The following OLFM3 variants were observed in gnomAD, a reference collection of about 807,000 sequenced individuals.
OLFM3 encodes noelin-3.
In OLFM3, 20 loss-of-function variants were observed where a neutral mutation model predicts 48.6. The observed-to-expected ratio is 0.41, with a 90% CI of 0.29 to 0.60. OLFM3 has a LOEUF of 0.60. Ranked by LOEUF, OLFM3 falls within the 20% of genes least tolerant of loss-of-function variation. The pLI is 0.28. For missense variants in OLFM3, 437 were observed against 544.3 expected (o/e 0.80, Z 1.96); for synonymous variants, 222 against 198.1 (o/e 1.12, Z -1.01).
chr1:101,806,872 A>G (rs1367041992), intron 4 of OLFM3, among the ~76,000 whole-genome samples: 2 of 151,812 alleles, frequency 1.3e-5, no homozygotes. Context: ...TACGTGACAA[A>G]AAGACTTTAA....
At chr1:101,992,445 T>A (rs894055420) in intron 1 of OLFM3, among the ~76,000 whole-genome samples, 1 of 152,166 alleles carries the variant, frequency 6.6e-6, no homozygotes, top group African/African-American at 2.4e-5. Flanking sequence ...TTTTGCCACA[T>A]CAGGGTTTAC....
At chr1:101,897,794 C>G (rs1658255264) in intron 1 of OLFM3, among the ~76,000 whole-genome samples, 1 of 151,916 alleles carries the variant, frequency 6.6e-6, no homozygotes, top group African/African-American at 2.4e-5. Context: ...TAACATAATC[C>G]AAGTAACTCA....
At chr1:101,993,319 G>A (rs143071602) in intron 1 of OLFM3, among the ~76,000 whole-genome samples, 1 of 152,196 alleles carries the variant, frequency 6.6e-6, no homozygotes, top group African/African-American at 2.4e-5. Flanking sequence ...GCAACAGAAA[G>A]AAGTCCACTC....
At chr1:101,940,127 G>C (rs530118983) in intron 1 of OLFM3, among the ~76,000 whole-genome samples, 3 of 152,120 alleles carry the variant, frequency 2.0e-5, no homozygotes, top group Admixed American at 2.0e-4. Context: ...TGATGGGCAA[G>C]TGCATGCATT....
At chr1:101,973,755 T>G (rs1045665065) in intron 1 of OLFM3, among the ~76,000 whole-genome samples, 5 of 152,134 alleles carry the variant, frequency 3.3e-5, no homozygotes, top group Admixed American at 6.6e-5. Context: ...GAATGGTAGT[T>G]TTAATAGGCC....
intron 1 of OLFM3, among the ~76,000 whole-genome samples, chr1:101,891,580 C>A (rs1658000895): frequency 6.6e-6 from 1 of 150,952 alleles, no homozygotes; most frequent in Admixed American, 6.6e-5. Context: ...TTTTTTTTTC[C>A]CTTAGGTTCA....
intron 1 of OLFM3, among the ~76,000 whole-genome samples, chr1:101,954,332 T>C (rs1660227262): frequency 6.6e-6 from 1 of 152,102 alleles, no homozygotes; most frequent in Non-Finnish European, 1.5e-5. Context: ...TAGGAATGTA[T>C]AATTTCTTCT....
intron 1 of OLFM3, among the ~76,000 whole-genome samples, chr1:101,910,865 AT>A (rs1177841270): frequency 6.6e-5 from 10 of 152,202 alleles, no homozygotes; most frequent in Non-Finnish European, 1.5e-4. Flanking sequence ...TAACAGCTAT[AT>A]TTAAAGCTTC....
intron 4 of OLFM3, chr1:101,813,142 A>G (rs1323233882): frequency 1.5e-5 from 19 of 1,267,866 alleles, no homozygotes; most frequent in Non-Finnish European, 1.9e-5. Flanking sequence ...TCTTTTTTAA[A>G]TCAACTGGAA....
chr1:101,812,774 G>T (rs924918812), intron 4 of OLFM3: 8 of 988,486 alleles, frequency 8.1e-6, no homozygotes, highest in Non-Finnish European at 8.4e-6. Context: ...ACTAAACATT[G>T]GGTGACCATG....
chr1:101,887,228 G>C, intron 1 of OLFM3, among the ~76,000 whole-genome samples: 1 of 148,354 alleles, frequency 6.7e-6, no homozygotes, highest in Non-Finnish European at 1.5e-5. Flanking sequence ...TCCATGAATG[G>C]AAAAAAAAAC....
chr1:101,821,576 A>C (rs145296697), intron 4 of OLFM3, among the ~76,000 whole-genome samples: 1 of 152,074 alleles, frequency 6.6e-6, no homozygotes, highest in African/African-American at 2.4e-5. Context: ...GAGATGCTCA[A>C]TAAGTGGTTA....
intron 2 of OLFM3, among the ~76,000 whole-genome samples, chr1:101,835,126 A>C (rs1655338893): frequency 6.6e-6 from 1 of 152,202 alleles, no homozygotes; most frequent in African/African-American, 2.4e-5. Context: ...TTTATATAGA[A>C]AAAAAGATAT....
chr1:101,996,904 C>T lies in OLFM3; in HGVS notation c.-88G>A. On this transcript the variant is annotated 5_prime_UTR_variant, in exon 1 of 6. Coordinates refer to ENST00000370103, the MANE Select transcript of OLFM3 (RefSeq NM_058170.4). The stretch of plus-strand genomic sequence containing the variant: ...ACCTTTCCCTCGTCAGTTGCACTTT[C>T]TGCCTGCCAGTCAGAGCCGAGTGGA... 3 of 1,387,142 alleles carry T rather than the reference C, an allele frequency of 2.2e-6. No individual in the cohort carries two copies. Among genetic ancestry groups the T allele is most frequent in the Admixed American group, 3.6e-5 (2 of 56,248 alleles). The allele number at this position is 1,387,142 out of a possible 1,614,324, so 85.9% of individuals were successfully genotyped here.
intron 1 of OLFM3, among the ~76,000 whole-genome samples, chr1:101,841,115 T>C (rs1480183384): frequency 6.6e-6 from 1 of 152,226 alleles, no homozygotes; most frequent in Admixed American, 6.5e-5. Flanking sequence ...AGCTAGTATA[T>C]GATAGTTCTA....
At position 101,803,630 on chromosome 1, in the gene OLFM3, G is replaced by A. The variant is rs954010223; in HGVS notation, c.*608C>T. ...AATATTACTTTCACAGAAGTGAAGA[G>A]ATACAATAGCACAATGGTGGTTACA... On this transcript the variant is annotated 3_prime_UTR_variant, in exon 6 of 6. Coordinates refer to ENST00000370103, the MANE Select transcript of OLFM3 (RefSeq NM_058170.4). 10 of 152,128 alleles carry A rather than the reference G, an allele frequency of 6.6e-5. No homozygotes were observed. The highest frequency in any genetic ancestry group is 1.3e-4 in the Non-Finnish European group (9 of 67,810). 9.4% of individuals were successfully genotyped at this position (152,128 alleles called of 1,614,324 possible).
At chr1:101,967,784 CG>C (rs774176575) in intron 1 of OLFM3, among the ~76,000 whole-genome samples, 48 of 152,160 alleles carry the variant, frequency 3.2e-4, no homozygotes, top group Non-Finnish European at 6.2e-4. Flanking sequence ...TTTACCCTGA[CG>C]TATCCTGAGA....
chr1:101,917,743 A>T lies in OLFM3; in HGVS notation c.69+79005T>A, dbSNP rs114777757. Among the ~76,000 whole-genome samples, 888 of 152,286 alleles carry T rather than the reference A, an allele frequency of 5.8e-3. 7 individuals carry two copies. Among genetic ancestry groups the T allele is most frequent in the African/African-American group, 0.021 (872 of 41,570 alleles). On this transcript the variant is annotated intron_variant, in intron 1 of 5. Transcript: ENST00000370103. ...ATAAACACTATATTTTATAAATCACAATCATTATTGTTGAAGTTTTTTAAA... is the reference window on the plus strand; with the variant it reads ...ATAAACACTATATTTTATAAATCACTATCATTATTGTTGAAGTTTTTTAAA...
At chr1:101,815,192 G>T (rs920953419) in intron 4 of OLFM3, among the ~76,000 whole-genome samples, 6 of 152,056 alleles carry the variant, frequency 3.9e-5, no homozygotes, top group Non-Finnish European at 4.4e-5. Flanking sequence ...CTCATTAAAA[G>T]GTTATCAGTT....
Sources: gnomAD v4.1 joint callset for allele counts (sites outside exome capture counted in the v4.1 genomes callset) on GRCh38, gnomAD v4.1.1 for gene constraint, MANE v1.5 for transcripts, NCBI Gene and HGNC (gene_info 2026-07-23, HGNC 2026-07-21) for gene names.